The following MAP4K4 variants were observed in gnomAD, a reference collection of about 807,000 sequenced individuals.
MAP4K4 encodes HPK/GCK-like kinase HGK.
Under a neutral mutation model 189.6 loss-of-function variants are expected in MAP4K4, and 38 were observed. That is an observed-to-expected ratio of 0.20 (90% confidence interval 0.15 to 0.26). The LOEUF (loss-of-function observed/expected upper bound fraction) is 0.26. Ranked by LOEUF, MAP4K4 falls within the 10% of genes least tolerant of loss-of-function variation. The pLI, the probability that MAP4K4 is intolerant of heterozygous loss-of-function variation, is 1.00. For missense variants in MAP4K4, 1,054 were observed against 1,726.9 expected, an observed-to-expected ratio of 0.61 and a Z score of 6.91; for synonymous variants, 610 against 624.3, an observed-to-expected ratio of 0.98 and a Z score of 0.34.
At chr2:101,848,573 AAC>A (rs1390058173) in intron 12 of MAP4K4, among the ~76,000 whole-genome samples, 1 of 152,234 alleles carries the variant, frequency 6.6e-6, no homozygotes, top group Non-Finnish European at 1.5e-5. Flanking sequence ...GCTGTGGGCA[AAC>A]ACAGTGCAGA....
At chr2:101,831,940 C>A in intron 7 of MAP4K4, 89 bp downstream of exon 7, 1 of 1,453,230 alleles carries the variant, frequency 6.9e-7, no homozygotes, top group Non-Finnish European at 9.3e-7. Flanking sequence ...CACCCCTTGT[C>A]TGCCTGCCTT....
At position 101,790,256 on chromosome 2, in the gene MAP4K4, G is replaced by T. The variant is rs578180034; in HGVS notation, c.124-464G>T. On this transcript the variant is annotated intron_variant, in intron 2 of 32. Coordinates refer to ENST00000324219, the Ensembl canonical transcript of MAP4K4. ...TTTTGACAATAAAAAGTCTCTAGAG[G>T]GTTTTTTGGGGATCATTTTTTTTTC... Among the ~76,000 whole-genome samples the T allele has an allele frequency of 1.1e-4, 16 of 152,152 alleles. No homozygotes were observed. In the East Asian group the frequency reaches 2.7e-3, roughly 26 times the overall value.
chr2:101,810,587 G>A (rs566123216), intron 3 of MAP4K4, among the ~76,000 whole-genome samples: 1 of 152,144 alleles, frequency 6.6e-6, no homozygotes, highest in East Asian at 1.9e-4. Flanking sequence ...TCCCCCCCAA[G>A]TAATTAGAGA....
intron 12 of MAP4K4, among the ~76,000 whole-genome samples, chr2:101,852,832 A>G (rs918035886): frequency 6.6e-6 from 1 of 152,210 alleles, no homozygotes; most frequent in Non-Finnish European, 1.5e-5. Flanking sequence ...AAAAGTGAAC[A>G]ACAGAGACAG....
chr2:101,859,136 C>G, intron 14 of MAP4K4, 54 bp downstream of exon 14: 2 of 1,524,250 alleles, frequency 1.3e-6, no homozygotes, highest in Non-Finnish European at 1.8e-6. Flanking sequence ...TCATCCGTCC[C>G]CAAAGTTGAG....
intron 2 of MAP4K4, among the ~76,000 whole-genome samples, chr2:101,790,426 GA>G (rs941568253): frequency 3.4e-4 from 51 of 151,392 alleles, no homozygotes; most frequent in African/African-American, 1.2e-3. Context: ...AATCCTTAGA[GA>G]AAAAAAAAGT....
chr2:101,862,921 A>G (rs1183623982), intron 16 of MAP4K4, among the ~76,000 whole-genome samples: 1 of 152,262 alleles, frequency 6.6e-6, no homozygotes, highest in Non-Finnish European at 1.5e-5. Flanking sequence ...TGTCAAGTAC[A>G]TTGATGTAAT....
chr2:101,892,730 G>A (rs2098587719), exon 33 of MAP4K4: 1 of 363,932 alleles, frequency 2.7e-6, no homozygotes, highest in Non-Finnish European at 5.5e-6. Context: ...TTGCTCTCTT[G>A]TTCTCTGTTT....
At chr2:101,816,673 A>G (rs954243309) in intron 3 of MAP4K4, among the ~76,000 whole-genome samples, 4 of 152,146 alleles carry the variant, frequency 2.6e-5, no homozygotes, top group African/African-American at 9.7e-5. Context: ...TTAAGTCTGG[A>G]AAGAGCCGAT....
chr2:101,772,656 A>G (rs1268914051), intron 2 of MAP4K4, among the ~76,000 whole-genome samples: 1 of 152,262 alleles, frequency 6.6e-6, no homozygotes, highest in Non-Finnish European at 1.5e-5. Context: ...AAAAGTGTGC[A>G]TAACACAAAA....
chr2:101,848,791 G>C (rs779295607), intron 12 of MAP4K4, among the ~76,000 whole-genome samples: 1 of 152,066 alleles, frequency 6.6e-6, no homozygotes, highest in Non-Finnish European at 1.5e-5. Flanking sequence ...TTGCTTCTCT[G>C]CCTCCTCCTT....
chr2:101,793,571 T>G (rs1455919321), intron 3 of MAP4K4, among the ~76,000 whole-genome samples: 2 of 149,582 alleles, frequency 1.3e-5, no homozygotes, highest in Admixed American at 6.6e-5. Flanking sequence ...CTTCATGGTT[T>G]TTTTTTTTTT....
chr2:101,791,431 TCTTTAAAAATAGTAATATATTATA>T, intron 3 of MAP4K4, among the ~76,000 whole-genome samples: 6 of 152,176 alleles, frequency 3.9e-5, no homozygotes, highest in African/African-American at 1.4e-4. Flanking sequence ...ATATTTAAAT[TCTTTAAAAATAGTAATATATTATA>T]ATGAACTAAA....
chr2:101,733,129 C>T (rs2059165274), intron 2 of MAP4K4, among the ~76,000 whole-genome samples: 1 of 152,236 alleles, frequency 6.6e-6, no homozygotes, highest in Admixed American at 6.5e-5. Flanking sequence ...CTGTCACTCA[C>T]AGGCTTCCAG....
intron 3 of MAP4K4, among the ~76,000 whole-genome samples, chr2:101,821,846 C>G (rs941718518): frequency 6.6e-6 from 1 of 152,214 alleles, no homozygotes; most frequent in African/African-American, 2.4e-5. Flanking sequence ...CATAGCTGTA[C>G]TAAAATATTT....
At chr2:101,789,070 A>G (rs2092359242) in intron 2 of MAP4K4, among the ~76,000 whole-genome samples, 1 of 152,212 alleles carries the variant, frequency 6.6e-6, no homozygotes, top group African/African-American at 2.4e-5. Context: ...AAGCCAGGAC[A>G]GTGCATGTGA....
intron 16 of MAP4K4, among the ~76,000 whole-genome samples, chr2:101,863,218 G>T (rs2097716253): frequency 6.6e-6 from 1 of 152,172 alleles, no homozygotes; most frequent in Non-Finnish European, 1.5e-5. Flanking sequence ...GGAGATACCT[G>T]GGTTATGGGT....
chr2:101,831,188 T>C (rs996527000), intron 6 of MAP4K4, among the ~76,000 whole-genome samples: 4 of 152,276 alleles, frequency 2.6e-5, no homozygotes, highest in Middle Eastern at 3.4e-3. Flanking sequence ...CACTGAAAAA[T>C]CAGCAGAAGT....
chr2:101,712,762 C>T (rs375047967), intron 2 of MAP4K4, among the ~76,000 whole-genome samples: 2 of 152,114 alleles, frequency 1.3e-5, no homozygotes, highest in South Asian at 2.1e-4. Flanking sequence ...TCTCCACGTG[C>T]AGGGATTACA....
Sources: gnomAD v4.1 joint callset for allele counts (sites outside exome capture counted in the v4.1 genomes callset) on GRCh38, gnomAD v4.1.1 for gene constraint, MANE v1.5 for transcripts, NCBI Gene and HGNC (gene_info 2026-07-23, HGNC 2026-07-21) for gene names.